The following SPOCK1 variants were observed in gnomAD, a reference collection of about 807,000 sequenced individuals.
The protein encoded by SPOCK1 is testican-1.
SPOCK1 carries 23 observed loss-of-function variants against 55.3 expected under a neutral mutation model. That is an observed-to-expected ratio of 0.42 (90% CI 0.30 to 0.59). The LOEUF is 0.59. Among genes scored for constraint, SPOCK1 ranks in the 20% least tolerant of loss-of-function variants. SPOCK1 has a pLI of 0.22. For synonymous variants in SPOCK1, 226 were observed against 221.0 expected (o/e 1.02, Z -0.20); for missense variants, 499 against 552.5 (o/e 0.90, Z 0.97).
chr5:137,466,921 A>G (rs1329004733), intron 2 of SPOCK1, among the ~76,000 whole-genome samples: 1 of 152,222 alleles, frequency 6.6e-6, no homozygotes, highest in African/African-American at 2.4e-5. Flanking sequence ...ACAGGCTGCA[A>G]TCAAGGGATC....
At chr5:137,161,078 T>C (rs1312163395) in intron 3 of SPOCK1, among the ~76,000 whole-genome samples, 3 of 147,194 alleles carry the variant, frequency 2.0e-5, no homozygotes, top group Non-Finnish European at 4.5e-5. Context: ...ATCTCTAATA[T>C]ATATTACATA....
intron 2 of SPOCK1, among the ~76,000 whole-genome samples, chr5:137,462,915 T>C (rs1753519498): frequency 6.6e-6 from 1 of 152,186 alleles, no homozygotes; most frequent in Admixed American, 6.5e-5. Context: ...AAGTTCATTC[T>C]AGCTTCAACA....
intron 9 of SPOCK1, among the ~76,000 whole-genome samples, chr5:136,980,071 C>A (rs890573498): frequency 6.6e-6 from 1 of 151,944 alleles, no homozygotes; most frequent in Non-Finnish European, 1.5e-5. Flanking sequence ...GTCTTCCAGC[C>A]TCTAAGAAAG....
intron 2 of SPOCK1, among the ~76,000 whole-genome samples, chr5:137,423,155 C>T: frequency 6.6e-6 from 1 of 152,186 alleles, no homozygotes; most frequent in East Asian, 1.9e-4. Flanking sequence ...AGTTTTGTCT[C>T]AGAGGAGTAC....
intron 2 of SPOCK1, among the ~76,000 whole-genome samples, chr5:137,468,421 G>C (rs1165307247): frequency 1.3e-5 from 2 of 152,218 alleles, no homozygotes; most frequent in Non-Finnish European, 1.5e-5. Context: ...GCAAGCTGCA[G>C]GTTCAAGTAC....
At chr5:137,428,172 G>A (rs936451351) in intron 2 of SPOCK1, among the ~76,000 whole-genome samples, 3 of 152,194 alleles carry the variant, frequency 2.0e-5, no homozygotes, top group Non-Finnish European at 4.4e-5. Flanking sequence ...CTGGACTCAG[G>A]TTAAAAACAA....
intron 2 of SPOCK1, among the ~76,000 whole-genome samples, chr5:137,280,478 A>G: frequency 6.6e-6 from 1 of 152,252 alleles, no homozygotes; most frequent in East Asian, 1.9e-4. Context: ...CACTGAAAGA[A>G]TACAAGGCAG....
intron 2 of SPOCK1, among the ~76,000 whole-genome samples, chr5:137,487,372 A>T (rs2149844187): frequency 6.6e-6 from 1 of 152,156 alleles, no homozygotes; most frequent in Non-Finnish European, 1.5e-5. Context: ...CCAACCAAGA[A>T]AAGAACTGAC....
chr5:137,079,779 T>C (rs1380815797), intron 5 of SPOCK1, among the ~76,000 whole-genome samples: 1 of 151,860 alleles, frequency 6.6e-6, no homozygotes, highest in African/African-American at 2.4e-5. Flanking sequence ...CTCTTTCTTT[T>C]CCCATCCCAA....
chr5:137,233,820 T>C (rs1364811491), intron 3 of SPOCK1, among the ~76,000 whole-genome samples: 3 of 151,342 alleles, frequency 2.0e-5, no homozygotes, highest in Non-Finnish European at 2.9e-5. Flanking sequence ...AAAAAATTTC[T>C]TGGGATTTAC....
chr5:137,000,870 A>G (rs1751136263), intron 6 of SPOCK1, among the ~76,000 whole-genome samples: 1 of 152,106 alleles, frequency 6.6e-6, no homozygotes, highest in South Asian at 2.1e-4. Flanking sequence ...CCCCATCTCT[A>G]CTAAAAATAC....
At chr5:137,416,154 A>T (rs1231757830) in intron 2 of SPOCK1, among the ~76,000 whole-genome samples, 1 of 150,752 alleles carries the variant, frequency 6.6e-6, no homozygotes, top group Non-Finnish European at 1.5e-5. Context: ...CAGAAGAGCA[A>T]CATCTTTAAA....
At chr5:137,010,592 GCTCACTCCAGC>G (rs1751332004) in intron 6 of SPOCK1, among the ~76,000 whole-genome samples, 1 of 152,094 alleles carries the variant, frequency 6.6e-6, no homozygotes, top group South Asian at 2.1e-4. Flanking sequence ...TAGGGGGCTT[GCTCACTCCAGC>G]CTCCAGTTCC....
intron 6 of SPOCK1, among the ~76,000 whole-genome samples, chr5:137,034,599 G>T (rs1751846113): frequency 6.6e-6 from 1 of 152,156 alleles, no homozygotes; most frequent in Admixed American, 6.5e-5. Context: ...TTATCAATAA[G>T]CCTGTTTTAT....
intron 7 of SPOCK1, among the ~76,000 whole-genome samples, chr5:136,990,087 T>A (rs1306130062): frequency 6.6e-6 from 1 of 152,056 alleles, no homozygotes; most frequent in Non-Finnish European, 1.5e-5. Context: ...TTTTTTTGTA[T>A]TTTTAGTAGA....
At chr5:137,223,652 C>A (rs780059590) in intron 3 of SPOCK1, among the ~76,000 whole-genome samples, 4 of 152,044 alleles carry the variant, frequency 2.6e-5, no homozygotes, top group Non-Finnish European at 5.9e-5. Flanking sequence ...CTCATTTTAT[C>A]ACATGTTGAT....
chr5:137,206,280 G>A (rs1360751227), intron 3 of SPOCK1, among the ~76,000 whole-genome samples: 1 of 152,218 alleles, frequency 6.6e-6, no homozygotes, highest in Admixed American at 6.5e-5. Flanking sequence ...GCCACAGAGT[G>A]GCCTGAGAAT....
At chr5:137,463,530 G>C (rs566850567) in intron 2 of SPOCK1, among the ~76,000 whole-genome samples, 1 of 151,630 alleles carries the variant, frequency 6.6e-6, no homozygotes, top group African/African-American at 2.4e-5. Context: ...GGGTAGTGGG[G>C]GGGTGTTGGG....
intron 2 of SPOCK1, among the ~76,000 whole-genome samples, chr5:137,307,499 A>AT (rs999576974): frequency 1.1e-4 from 17 of 151,952 alleles, no homozygotes; most frequent in South Asian, 4.2e-4. Context: ...TCTTCTCACC[A>AT]TTTTTTTTGT....
Sources: allele counts gnomAD v4.1 joint callset (sites outside exome capture counted in the v4.1 genomes callset), GRCh38; gene constraint gnomAD v4.1.1; transcripts MANE v1.5; gene names NCBI Gene and HGNC (gene_info 2026-07-23, HGNC 2026-07-21).